The following TMEM44 variants were observed in gnomAD, a reference collection of about 807,000 sequenced individuals.
TMEM44 encodes the protein transmembrane protein 44.
Under a neutral mutation model 47.8 loss-of-function variants are expected in TMEM44, and 43 were observed. The ratio of observed to expected loss-of-function variants is 0.90; its 90% confidence interval spans 0.70 to 1.16. The LOEUF (loss-of-function observed/expected upper bound fraction) is 1.16. Ranked by LOEUF, TMEM44 falls within the 50% of genes most tolerant of loss-of-function variation. TMEM44 has a pLI of 0.00. For missense variants in TMEM44, 568 were observed against 555.2 expected (o/e 1.02, Z -0.23); for synonymous variants, 277 against 238.8 (o/e 1.16, Z -1.48).
chr3:194,607,202 CCT>C (rs2109177194), intron 8 of TMEM44, among the ~76,000 whole-genome samples: 1 of 151,892 alleles, frequency 6.6e-6, no homozygotes, highest in East Asian at 1.9e-4. Flanking sequence ...GGCACCCCTT[CCT>C]CTCTCTCCTG....
chr3:194,594,163 CTA>C (rs1553824442), intron 9 of TMEM44, among the ~76,000 whole-genome samples: 65 of 139,630 alleles, frequency 4.7e-4, no homozygotes, highest in East Asian at 1.6e-3. Context: ...ATCTATCTAT[CTA>C]TATCTATCTA....
At position 194,633,364 on chromosome 3, in the gene TMEM44, A is replaced by C. The variant is rs1718044099; in HGVS notation, c.-149T>G. 3.8e-6 allele frequency: 1 copy of C among 263,266 alleles called. No individual in the cohort carries two copies. Among genetic ancestry groups the C allele is most frequent in the Admixed American group, 6.4e-5 (1 of 15,602 alleles). The allele number at this position is 263,266 out of a possible 1,614,324, so 16.3% of individuals were successfully genotyped here. ...GGCCGAGCGCACCGACCGCGGGCAG[A>C]GAAGGGCGCGCTCCCGGGCGCGGGC... On this transcript the variant is annotated 5_prime_UTR_variant, in exon 1 of 10. Coordinates refer to ENST00000347147, the MANE Select transcript of TMEM44 (RefSeq NM_001011655.3).
chr3:194,618,510 AATT>A (rs1374311454), intron 5 of TMEM44, among the ~76,000 whole-genome samples: 1 of 147,956 alleles, frequency 6.8e-6, no homozygotes, highest in Non-Finnish European at 1.5e-5. Context: ...TATATATACA[AATT>A]ATATTTATAT....
At chr3:194,599,589 T>TTC (rs769609540) in intron 9 of TMEM44, among the ~76,000 whole-genome samples, 2 of 57,184 alleles carry the variant, frequency 3.5e-5, no homozygotes, top group African/African-American at 5.9e-5. Flanking sequence ...TTCTTTTCTT[T>TTC]TTTTTTTTTT....
intron 9 of TMEM44, 63 bp from the exon 10 acceptor site, chr3:194,588,702 AC>A (rs1712175049): frequency 6.8e-7 from 1 of 1,464,036 alleles, no homozygotes. Context: ...ATCTGTCATA[AC>A]CCCTGACCCA....
chr3:194,624,066 G>A (rs1716878618), intron 3 of TMEM44, among the ~76,000 whole-genome samples: 1 of 152,200 alleles, frequency 6.6e-6, no homozygotes, highest in Admixed American at 6.5e-5. Context: ...AGCAGAACCG[G>A]TACAAGTGTG....
chr3:194,616,106 C>T (rs576693518), intron 6 of TMEM44, among the ~76,000 whole-genome samples: 10 of 151,536 alleles, frequency 6.6e-5, no homozygotes, highest in African/African-American at 1.7e-4. Context: ...GGCTGGAGTG[C>T]GGTGGTATGA....
At chr3:194,595,708 C>T (rs991757159) in intron 9 of TMEM44, among the ~76,000 whole-genome samples, 1 of 151,790 alleles carries the variant, frequency 6.6e-6, no homozygotes, top group Non-Finnish European at 1.5e-5. Context: ...TCACTGCAAC[C>T]TCCGCCTCCC....
chr3:194,599,064 G>C (rs9844312), intron 9 of TMEM44, among the ~76,000 whole-genome samples: 64,527 of 151,662 alleles, frequency 0.43, 14,545 homozygotes, highest in East Asian at 0.77. Context: ...GGTGGTCTGA[G>C]CCCAACGCCA....
intron 1 of TMEM44, 156 bp downstream of exon 1, chr3:194,632,923 A>C: frequency 8.9e-7 from 1 of 1,121,922 alleles, no homozygotes. Flanking sequence ...AGAAGATCCC[A>C]CTTCAGTCTA....
At chr3:194,631,205 T>C (rs3845909) in intron 1 of TMEM44, among the ~76,000 whole-genome samples, 74,776 of 147,944 alleles carry the variant, frequency 0.51, 19,590 homozygotes, top group East Asian at 0.86. Flanking sequence ...CTCTGAAATA[T>C]GTTGTCGTAC....
At chr3:194,596,843 C>T (rs553687071) in intron 9 of TMEM44, 1 of 152,340 alleles carries the variant, frequency 6.6e-6, no homozygotes, top group East Asian at 1.9e-4. Flanking sequence ...GCATCTTTCT[C>T]ATGCATACTT....
chr3:194,613,168 TTTTATTTA>T (rs879642728), intron 7 of TMEM44, among the ~76,000 whole-genome samples: 2 of 151,954 alleles, frequency 1.3e-5, no homozygotes, highest in Non-Finnish European at 2.9e-5. Flanking sequence ...TATTTTTTAT[TTTTATTTA>T]TTTATTTATT....
At chr3:194,596,582 G>A (rs547529421) in intron 9 of TMEM44, among the ~76,000 whole-genome samples, 2 of 152,034 alleles carry the variant, frequency 1.3e-5, no homozygotes, top group African/African-American at 4.8e-5. Context: ...ACCTGAGATC[G>A]GGAGTTCAAG....
intron 9 of TMEM44, among the ~76,000 whole-genome samples, chr3:194,595,811 G>A (rs977558163): frequency 3.3e-5 from 5 of 152,126 alleles, no homozygotes; most frequent in African/African-American, 1.2e-4. Context: ...ATTTTTAGTA[G>A]AGATGGGATT....
intron 6 of TMEM44, among the ~76,000 whole-genome samples, chr3:194,616,265 T>A (rs781761320): frequency 6.6e-6 from 1 of 152,160 alleles, no homozygotes; most frequent in African/African-American, 2.4e-5. Context: ...TTGGCCAGGC[T>A]GGTCTCAAAC....
At chr3:194,591,495 A>G (rs1712713108) in intron 9 of TMEM44, among the ~76,000 whole-genome samples, 1 of 152,190 alleles carries the variant, frequency 6.6e-6, no homozygotes, top group Admixed American at 6.5e-5. Context: ...ATTCTGTCTC[A>G]AAAAATAAAT....
At chr3:194,614,027 C>T (rs1221674058) in intron 7 of TMEM44, among the ~76,000 whole-genome samples, 1 of 151,926 alleles carries the variant, frequency 6.6e-6, no homozygotes, top group Non-Finnish European at 1.5e-5. Flanking sequence ...GAGGCTGAGG[C>T]AGGAGAATCG....
intron 3 of TMEM44, among the ~76,000 whole-genome samples, chr3:194,624,485 C>G (rs1716924050): frequency 6.6e-6 from 1 of 152,044 alleles, no homozygotes. Context: ...GTGGCACAAT[C>G]ACAGCTCACT....
Sources: allele counts gnomAD v4.1 joint callset (sites outside exome capture counted in the v4.1 genomes callset), GRCh38; gene constraint gnomAD v4.1.1; transcripts MANE v1.5; gene names NCBI Gene and HGNC (gene_info 2026-07-23, HGNC 2026-07-21).